Variants in ZNF318 observed in about 807,000 individuals in gnomAD.
ZNF318 encodes the protein zinc finger protein 318.
A neutral mutation model predicts 124.2 loss-of-function variants in ZNF318; 51 were observed. The observed-to-expected ratio is 0.41, with a 90% CI of 0.33 to 0.52. The LOEUF (loss-of-function observed/expected upper bound fraction) is 0.52. Ranked by LOEUF, ZNF318 falls within the 20% of genes least tolerant of loss-of-function variation. ZNF318 has a pLI of 0.23. For missense variants in ZNF318, 2,815 were observed against 2,811.2 expected, an observed-to-expected ratio of 1.00 and a Z score of -0.03; for synonymous variants, 1,090 against 1,040.7, an observed-to-expected ratio of 1.05 and a Z score of -0.91.
At position 43,352,178 on chromosome 6, in the gene ZNF318, CAT is replaced by C. The variant is rs777356555; in HGVS notation, c.2770+197_2770+198del. Among the ~76,000 whole-genome samples, 153 of 56,912 alleles carry C rather than the reference CAT, an allele frequency of 2.7e-3. 1 individual carries two copies. Among genetic ancestry groups the C allele is most frequent in the African/African-American group, 0.026 (128 of 4,944 alleles). The allele number at this position is 56,912 out of a possible 152,430, so 37.3% of individuals were successfully genotyped here. ...TCATCATCATCATCATCATCATCAT[CAT>C]CATCACCACCACCATCATCTGGGAG... On this transcript the variant is annotated intron_variant, in intron 5 of 9. Transcript: ENST00000361428.
chr6:43,369,011 C>A lies in ZNF318; in HGVS notation c.355G>T (p.Ala119Ser), dbSNP rs1366554108. The change falls in exon 1 of 10, where the codon GCC becomes TCC. Residue 119 changes from alanine to serine, a missense_variant. Physicochemically the swap from Ala to Ser is moderately conservative, Grantham distance 99 (BLOSUM62 1). Around this residue, in one of 4 missense-constraint regions of ZNF318, gnomAD observed 1,377 missense variants for 1,353.5 expected, o/e 1.02. Transcript: ENST00000361428. ...GGATGGTCTCCGCGGCCGTCCCGGGCATAGTCGGCGCGGGACTCCCCCCGG... is the reference window on the plus strand; with the variant it reads ...GGATGGTCTCCGCGGCCGTCCCGGGAATAGTCGGCGCGGGACTCCCCCCGG... ...SSRGESRADY[A>S]RDGRGDHPGD... 24 of 1,435,694 alleles carry A rather than the reference C, an allele frequency of 1.7e-5. No homozygotes were observed. The African/African-American group carries it at 1.8e-4, about 11-fold the overall frequency. 88.9% of individuals were successfully genotyped at this position (1,435,694 alleles called of 1,614,324 possible).
rs755311633 is a variant in ZNF318, at chr6:43,339,091, G to A, written c.4907C>T (p.Ala1636Val). ...ELHQDEGLVA[A>V]PIVSNSEKPI... is the part of the protein sequence containing the mutation. ...CTTTTCAGAGTTGCTAACTATAGGA[G>A]CAGCGACCAAACCCTCATCTTGATG... The change falls in exon 10 of 10, where the codon GCT (alanine) becomes GTT (valine). Residue 1636 changes from alanine to valine, a missense_variant. Physicochemically the swap from Ala to Val is moderately conservative, Grantham distance 64 (BLOSUM62 0). Transcript: ENST00000361428. The surrounding 1 kb of genome is among the most constrained non-coding windows in gnomAD (Gnocchi z 4.2). 2 of 1,614,194 alleles carry A rather than the reference G, an allele frequency of 1.2e-6. No individual in the cohort carries two copies. The highest frequency in any genetic ancestry group is 1.1e-5 in the South Asian group (1 of 91,082).
intron 4 of ZNF318, among the ~76,000 whole-genome samples, chr6:43,352,698 T>C (rs1779546783): frequency 6.6e-6 from 1 of 151,990 alleles, no homozygotes; most frequent in Non-Finnish European, 1.5e-5. Context: ...TGTTTGTTTG[T>C]TTTTTGCAGG....
Position 43,348,570 on chromosome 6 carries a change from CAA to C in ZNF318, c.2824_2825del (p.Leu942GlyfsTer9). Reference sequence around the variant, plus strand: ...TATCCTGAAGCCGACTCACCTCCACCAAGAGAGGATCTTTGTGGCCATCCTTC... The same window carrying C: ...TATCCTGAAGCCGACTCACCTCCACCGAGAGGATCTTTGTGGCCATCCTTC... ...REKDGHKDPL[L>X]VEVSRLQDNI... is the part of the protein sequence containing the mutation. On this transcript the variant is annotated frameshift_variant, in exon 6 of 10. Coordinates refer to ENST00000361428, the MANE Select transcript of ZNF318 (RefSeq NM_014345.3). LOFTEE classifies it high-confidence loss of function. 1 of 1,614,166 alleles carries C rather than the reference CAA, an allele frequency of 6.2e-7. No homozygotes were observed. The highest frequency in any genetic ancestry group is 8.5e-7 in the Non-Finnish European group (1 of 1,180,016).
At chr6:43,356,252 A>G in intron 3 of ZNF318, 107 bp from the exon 4 acceptor site, 2 of 1,188,408 alleles carry the variant, frequency 1.7e-6, no homozygotes, top group Admixed American at 2.7e-5. Context: ...CAGGTGAGAT[A>G]CAAGTATGGA....
At chr6:43,343,605 G>T (rs558021501) in intron 6 of ZNF318, among the ~76,000 whole-genome samples, 1 of 152,110 alleles carries the variant, frequency 6.6e-6, no homozygotes, top group Non-Finnish European at 1.5e-5. Context: ...GAGGTGGGCA[G>T]ATCACTTGAG....
intron 5 of ZNF318, among the ~76,000 whole-genome samples, chr6:43,350,412 G>C (rs954372367): frequency 1.3e-5 from 2 of 152,172 alleles, no homozygotes; most frequent in Admixed American, 1.3e-4. Context: ...CTTATCAAAT[G>C]AAGAATCCAT....
intron 6 of ZNF318, among the ~76,000 whole-genome samples, chr6:43,347,643 T>C (rs373156062): frequency 7.2e-5 from 11 of 152,076 alleles, no homozygotes; most frequent in African/African-American, 1.7e-4. Flanking sequence ...TATGAGATAA[T>C]GAAGTGGAAA....
At chr6:43,346,315 T>TACTAAAAATATAAA (rs1379446000) in intron 6 of ZNF318, among the ~76,000 whole-genome samples, 1 of 151,482 alleles carries the variant, frequency 6.6e-6, no homozygotes, top group Non-Finnish European at 1.5e-5. Flanking sequence ...ACCATGTCTC[T>TACTAAAAATATAAA]ACTAAAAATA....
rs1356525264 is a variant in ZNF318, at chr6:43,348,483, A to G, written c.2913T>C (p.Ser971=). The change falls in exon 6 of 10, where the codon TCT becomes TCC. Residue 971 remains serine, a synonymous_variant. Coordinates refer to ENST00000361428, the MANE Select transcript of ZNF318 (RefSeq NM_014345.3). ...AGATCTGAGCCACTTTGTCCAGTTC[A>G]GATTGCTTCTTTTCTGCCTCTTCTG... ...QEAEEAEKKQ[S]ELDKVAQILG... 2 of 1,614,154 alleles carry G rather than the reference A, an allele frequency of 1.2e-6. No individual in the cohort carries two copies. The highest frequency in any genetic ancestry group is 1.3e-5 in the African/African-American group (1 of 75,012).
rs1562133916 is a variant in ZNF318 at position 43,355,625 on chromosome 6, A to G, written c.1709T>C (p.Leu570Pro). 11 of 1,614,102 alleles carry G rather than the reference A, an allele frequency of 6.8e-6. No individual in the cohort carries two copies. Among genetic ancestry groups the G allele is most frequent in the Non-Finnish European group, 8.5e-7 (1 of 1,180,044 alleles). Residue 570 changes from leucine (L) to proline (P), a missense_variant, in exon 4 of 10, where the codon CTG (leucine) becomes CCG (proline). Transcript: ENST00000361428. ...SEVMRQKASS[L>P]PSSAPAVKLE... Reference sequence around the variant, plus strand: ...CTTTACAGCTGGAGCTGAAGACGGCAGGGAGCTTGCCTTCTGCCTCATAAC... The same window carrying G: ...CTTTACAGCTGGAGCTGAAGACGGCGGGGAGCTTGCCTTCTGCCTCATAAC...
Position 43,347,366 on chromosome 6 carries a change from T to A in ZNF318, c.3072+958A>T, listed in dbSNP as rs79759056. Among the ~76,000 whole-genome samples, 14 of 152,296 alleles carry A rather than the reference T, an allele frequency of 9.2e-5. No homozygotes were observed. In the East Asian group the frequency reaches 2.7e-3, roughly 29 times the overall value. On this transcript the variant is annotated intron_variant, in intron 6 of 9. Transcript: ENST00000361428. The stretch of plus-strand genomic sequence containing the variant: ...ACAGCAACATAAGCAAAAACTGATG[T>A]GGCTTGGACTTGAATGTCAATGGAG...
chr6:43,365,538 G>A, intron 1 of ZNF318, 98 bp from the exon 2 acceptor site: 2 of 1,271,548 alleles, frequency 1.6e-6, no homozygotes, highest in Non-Finnish European at 2.2e-6. Flanking sequence ...CAGGCATGGT[G>A]GCTCATGCCT....
In ZNF318 at chr6:43,342,097, A is replaced by G. The variant is rs772367596; in HGVS notation, c.3376+15T>C. On this transcript the variant is annotated intron_variant, in intron 8 of 9. Coordinates refer to ENST00000361428, the MANE Select transcript of ZNF318 (RefSeq NM_014345.3). ...AATGTAAGGAAACCACAAAGGTGGC[A>G]AAAAGGAAACATACCTTTTGCAGGA... 2 of 1,612,506 alleles carry G rather than the reference A, an allele frequency of 1.2e-6. No individual in the cohort carries two copies. Among genetic ancestry groups the G allele is most frequent in the Non-Finnish European group, 1.7e-6 (2 of 1,178,612 alleles).
chr6:43,337,965 A>C lies in ZNF318; in HGVS notation c.6033T>G (p.Leu2011=), dbSNP rs1779311392. The change falls in exon 10 of 10, where the codon CTT becomes CTG. Residue 2011 remains leucine, a synonymous_variant. Transcript: ENST00000361428. ...FEATDLKVEE[L]TALGNLGDMP... ...TATCCCCCAGATTCCCCAGGGCAGTAAGCTCCTCTACCTTTAAGTCTGTAG... is the reference window on the plus strand; with the variant it reads ...TATCCCCCAGATTCCCCAGGGCAGTCAGCTCCTCTACCTTTAAGTCTGTAG... The C allele has an allele frequency of 6.2e-7, 1 of 1,614,162 alleles. No homozygotes were observed. The highest frequency in any genetic ancestry group is 8.5e-7 in the Non-Finnish European group (1 of 1,180,024).
chr6:43,365,183 GAAAT>G, intron 2 of ZNF318, 105 bp downstream of exon 2: 1 of 1,249,660 alleles, frequency 8.0e-7, no homozygotes, highest in South Asian at 1.5e-5. Flanking sequence ...TGTGGCATAG[GAAAT>G]AACTTTAGAG....
chr6:43,353,771 AGTAT>A (rs1779565407), intron 4 of ZNF318, among the ~76,000 whole-genome samples: 1 of 152,326 alleles, frequency 6.6e-6, no homozygotes, highest in African/African-American at 2.4e-5. Flanking sequence ...TACAATTAAT[AGTAT>A]GTATTAACTC....
Position 43,354,978 on chromosome 6 carries a change from C to T in ZNF318, c.2356G>A (p.Ala786Thr), listed in dbSNP as rs1299997284. 3.7e-6 allele frequency: 6 copies of T among 1,609,678 alleles called. No individual in the cohort carries two copies. Among genetic ancestry groups the T allele is most frequent in the South Asian group, 3.3e-5 (3 of 90,418 alleles). Residue 786 changes from alanine (A) to threonine (T), a missense_variant, in exon 4 of 10, where the codon GCC becomes ACC. Ala to Thr is a moderately conservative substitution (Grantham distance 58). Transcript: ENST00000361428. ...TAGTGCCTATAGGCATCAAAAGAGGCAGGGGGAATGGCAGGTCCCTGGTAG... is the reference window on the plus strand; with the variant it reads ...TAGTGCCTATAGGCATCAAAAGAGGTAGGGGGAATGGCAGGTCCCTGGTAG... ...PNYQGPAIPPASFDAYRHYMA... is the reference protein window; with the variant it reads ...PNYQGPAIPPTSFDAYRHYMA...
intron 6 of ZNF318, among the ~76,000 whole-genome samples, chr6:43,344,793 T>C (rs185656396): frequency 4.6e-5 from 7 of 152,252 alleles, no homozygotes; most frequent in Admixed American, 1.3e-4. Context: ...AGTGAATTGA[T>C]GGACAGAATT....
Sources: allele counts gnomAD v4.1 joint callset (sites outside exome capture counted in the v4.1 genomes callset), GRCh38; gene constraint gnomAD v4.1.1; regional missense constraint gnomAD v4.1.1; non-coding constraint Gnocchi (gnomAD v3.1); transcripts MANE v1.5; gene names NCBI Gene and HGNC (gene_info 2026-07-23, HGNC 2026-07-21).